CEP83: variants seen among roughly 807,000 people sequenced by gnomAD.
CEP83 encodes the protein centrosomal protein of 83 kDa.
Under a neutral mutation model 101.9 loss-of-function variants are expected in CEP83, and 70 were observed. The observed-to-expected ratio is 0.69, with a 90% CI of 0.57 to 0.84. The LOEUF is 0.84. Ranked by LOEUF, CEP83 falls within the 40% of genes least tolerant of loss-of-function variation. The pLI, the probability that CEP83 is intolerant of heterozygous loss-of-function variation, is 0.00. For missense variants in CEP83, 715 were observed against 787.2 expected (o/e 0.91, Z 1.10); for synonymous variants, 264 against 267.9 (o/e 0.99, Z 0.14).
intron 6 of CEP83, among the ~76,000 whole-genome samples, chr12:94,384,093 T>G (rs1393543721): frequency 6.6e-6 from 1 of 152,132 alleles, no homozygotes; most frequent in Non-Finnish European, 1.5e-5. Flanking sequence ...TTTTTACTGT[T>G]TTCTTCCTAT....
chr12:94,277,959 G>T, the CEP83 span: 4 of 455,850 alleles, frequency 8.8e-6, no homozygotes, highest in Admixed American at 2.4e-5. Flanking sequence ...TCTCTCCCCT[G>T]AGCCCTAGGC....
rs139376017 is a variant in CEP83 at position 94,421,361 on chromosome 12, A to G, written c.-101-8770T>C. ...GGAATGAGCCACTGCAACCAACCTT[A>G]TAATTCACAATTTTTTAAAAAGGGA... On this transcript the variant is annotated intron_variant, in intron 2 of 16. Transcript: ENST00000397809. 2.1e-3 allele frequency among the ~76,000 whole-genome samples: 314 copies of G among 152,224 alleles called. 1 individual carries two copies. Among genetic ancestry groups the G allele is most frequent in the African/African-American group, 7.3e-3 (304 of 41,534 alleles).
the CEP83 span, among the ~76,000 whole-genome samples, chr12:94,273,550 C>T: frequency 6.6e-5 from 10 of 152,244 alleles, no homozygotes; most frequent in South Asian, 8.3e-4. Context: ...AACCCCCTGC[C>T]GACCTAAAAG....
chr12:94,303,720 T>C (rs1968706647), downstream of CEP83: 1 of 1,246,738 alleles, frequency 8.0e-7, no homozygotes, highest in African/African-American at 1.6e-5. Context: ...TTTACTCTTT[T>C]GGTGATGGTT....
the CEP83 span, among the ~76,000 whole-genome samples, chr12:94,281,664 C>T: frequency 6.6e-6 from 1 of 152,270 alleles, no homozygotes; most frequent in African/African-American, 2.4e-5. Context: ...CAAGTAATCC[C>T]CCTGCCTCCG....
intron 6 of CEP83, among the ~76,000 whole-genome samples, chr12:94,380,867 G>A (rs1053541683): frequency 2.6e-5 from 4 of 152,062 alleles, no homozygotes; most frequent in African/African-American, 7.2e-5. Flanking sequence ...TTCTTTCCAC[G>A]TTTTGGGAGG....
intron 2 of CEP83, chr12:94,423,730 G>A (rs1237278022): frequency 5.6e-6 from 9 of 1,610,778 alleles, no homozygotes; most frequent in East Asian, 4.5e-5. Flanking sequence ...AAGATGGGGA[G>A]GGGAATCCCA....
chr12:94,381,271 C>T (rs2061835274), intron 6 of CEP83, among the ~76,000 whole-genome samples: 2 of 152,242 alleles, frequency 1.3e-5, no homozygotes, highest in Middle Eastern at 3.4e-3. Flanking sequence ...TCCTTGATGT[C>T]CTCAATTTCT....
chr12:94,450,982 A>C (rs936129763), intron 1 of CEP83, among the ~76,000 whole-genome samples: 2 of 152,230 alleles, frequency 1.3e-5, no homozygotes, highest in Non-Finnish European at 2.9e-5. Flanking sequence ...TGTTGGAGTA[A>C]GGATAGGTTT....
chr12:94,309,709 T>C (rs1969541037), intron 16 of CEP83, among the ~76,000 whole-genome samples: 1 of 152,122 alleles, frequency 6.6e-6, no homozygotes, highest in South Asian at 2.1e-4. Context: ...GCACCAACAC[T>C]AAAGGATCAT....
chr12:94,292,680 A>C, the CEP83 span, among the ~76,000 whole-genome samples: 1 of 152,222 alleles, frequency 6.6e-6, no homozygotes, highest in Non-Finnish European at 1.5e-5. Context: ...TTTCATATAC[A>C]CCTTGTACAC....
chr12:94,415,637 C>T (rs2064207524), intron 2 of CEP83, among the ~76,000 whole-genome samples: 1 of 151,958 alleles, frequency 6.6e-6, no homozygotes, highest in Non-Finnish European at 1.5e-5. Context: ...AGGTTAAATA[C>T]ACCAGAAAGA....
chr12:94,335,469 T>C, intron 12 of CEP83, 120 bp downstream of exon 12: 1 of 646,608 alleles, frequency 1.5e-6, no homozygotes, highest in South Asian at 1.9e-5. Flanking sequence ...TCCAACAATA[T>C]GTTACCAATT....
intron 2 of CEP83, among the ~76,000 whole-genome samples, chr12:94,414,217 C>T (rs1342700878): frequency 6.6e-6 from 1 of 152,114 alleles, no homozygotes; most frequent in Non-Finnish European, 1.5e-5. Flanking sequence ...AATTATCCTG[C>T]CAAAAGTACA....
chr12:94,270,928 C>T, the CEP83 span, among the ~76,000 whole-genome samples: 4 of 152,042 alleles, frequency 2.6e-5, no homozygotes, highest in Admixed American at 6.6e-5. Context: ...GATGGGCAAG[C>T]GCAGCTCAAA....
At position 94,343,101 on chromosome 12, in the gene CEP83, G is replaced by GTA. The variant is rs545730120; in HGVS notation, c.1344-7439_1344-7438dup. Among the ~76,000 whole-genome samples, 872 of 149,832 alleles carry GTA rather than the reference G, an allele frequency of 5.8e-3. 3 individuals carry two copies. Among genetic ancestry groups the GTA allele is most frequent in the Non-Finnish European group, 8.5e-3 (576 of 67,500 alleles). On this transcript the variant is annotated intron_variant, in intron 11 of 16. Coordinates refer to ENST00000397809, the MANE Select transcript of CEP83 (RefSeq NM_016122.3). ...TGTGTATGTATGTCTGTGTGTGTATGTATATATATATAGAACTTCATATAT... is the reference window on the plus strand; with the variant it reads ...TGTGTATGTATGTCTGTGTGTGTATGTATATATATATATAGAACTTCATATAT...
At chr12:94,447,631 A>C (rs2066907620) in intron 1 of CEP83, among the ~76,000 whole-genome samples, 1 of 152,204 alleles carries the variant, frequency 6.6e-6, no homozygotes, top group South Asian at 2.1e-4. Context: ...ATAAGACTAC[A>C]TAAAGGAATA....
At chr12:94,456,182 C>G (rs1373829769) in intron 1 of CEP83, among the ~76,000 whole-genome samples, 1 of 152,054 alleles carries the variant, frequency 6.6e-6, no homozygotes, top group Non-Finnish European at 1.5e-5. Context: ...GGAAATTGAC[C>G]AAACTCCCCA....
chr12:94,430,632 C>A (rs1457674711), intron 2 of CEP83, among the ~76,000 whole-genome samples: 1 of 152,020 alleles, frequency 6.6e-6, no homozygotes, highest in Non-Finnish European at 1.5e-5. Flanking sequence ...CACCACAAGG[C>A]AACTAAATAT....
Sources: gnomAD v4.1 joint callset for allele counts (sites outside exome capture counted in the v4.1 genomes callset) on GRCh38, gnomAD v4.1.1 for gene constraint, MANE v1.5 for transcripts, NCBI Gene and HGNC (gene_info 2026-07-23, HGNC 2026-07-21) for gene names.